SPATA6: variants seen among roughly 807,000 people sequenced by gnomAD.
The protein encoded by SPATA6 is spermatogenesis-associated protein 6.
In SPATA6, 56 loss-of-function variants were observed where a neutral mutation model predicts 65.3. The observed-to-expected ratio is 0.86, with a 90% CI of 0.69 to 1.07. The LOEUF (loss-of-function observed/expected upper bound fraction) is 1.07. Among genes scored for constraint, SPATA6 ranks in the 50% least tolerant of loss-of-function variants. The probability of loss-of-function intolerance (pLI) is 0.00; values close to 1 mark genes in which losing one functional copy is unlikely to be tolerated. For synonymous variants in SPATA6, 199 were observed against 213.2 expected (o/e 0.93, Z 0.58); for missense variants, 590 against 594.8 (o/e 0.99, Z 0.08).
rs1644867610 is a variant in SPATA6 at position 48,299,033 on chromosome 1, C to T, written c.1287-140G>A. 6 of 771,338 alleles carry T rather than the reference C, an allele frequency of 7.8e-6. No individual in the cohort carries two copies. In the Admixed American group the frequency reaches 1.0e-4, roughly 13 times the overall value. 47.8% of individuals were successfully genotyped at this position (771,338 alleles called of 1,614,324 possible). A position where few individuals can be genotyped will look rare whatever the true frequency, so the allele number is the denominator to read the frequency against. On this transcript the variant is annotated intron_variant, in intron 12 of 12. Coordinates refer to ENST00000371847, the MANE Select transcript of SPATA6 (RefSeq NM_019073.4). ...TGTGAAAAATAAAACAGAGTAAGGC[C>T]TGTGCTTTCAAAGAGGGACATTTTA...
intron 11 of SPATA6, among the ~76,000 whole-genome samples, chr1:48,348,855 T>C (rs1216967931): frequency 6.6e-6 from 1 of 152,058 alleles, no homozygotes; most frequent in African/African-American, 2.4e-5. Context: ...CATTCTAGCC[T>C]TCATCCTCCT....
At chr1:48,412,535 T>C (rs887833683) in intron 4 of SPATA6, among the ~76,000 whole-genome samples, 1 of 152,258 alleles carries the variant, frequency 6.6e-6, no homozygotes, top group Admixed American at 6.5e-5. Context: ...TTTCTGTATA[T>C]ATTATTTTGG....
At chr1:48,426,343 T>C (rs983482946) in intron 3 of SPATA6, among the ~76,000 whole-genome samples, 3 of 152,088 alleles carry the variant, frequency 2.0e-5, no homozygotes, top group Admixed American at 6.5e-5. Flanking sequence ...AGTTGTACAA[T>C]AGAGTCTGAA....
At chr1:48,282,932 C>A in the SPATA6 span, among the ~76,000 whole-genome samples, 1 of 151,956 alleles carries the variant, frequency 6.6e-6, no homozygotes, top group African/African-American at 2.4e-5. Context: ...TTGAACCAAT[C>A]CAAATATCCA....
At chr1:48,299,470 C>T (rs1302893780) in intron 12 of SPATA6, among the ~76,000 whole-genome samples, 6 of 132,816 alleles carry the variant, frequency 4.5e-5, no homozygotes, top group Non-Finnish European at 6.1e-5. Context: ...GCTGAGATCA[C>T]GCCATTGCAC....
At chr1:48,434,212 C>T (rs766521459) in intron 3 of SPATA6, among the ~76,000 whole-genome samples, 7 of 138,676 alleles carry the variant, frequency 5.0e-5, no homozygotes, top group East Asian at 2.1e-4. Context: ...GGATATCAAA[C>T]GCATAGTAGG....
In SPATA6 at chr1:48,364,998, G is replaced by A. The variant is rs1456175700; in HGVS notation, c.910-5228C>T. 2.6e-5 allele frequency among the ~76,000 whole-genome samples: 4 copies of A among 152,180 alleles called. No homozygotes were observed. In the South Asian group the frequency reaches 8.3e-4, roughly 32 times the overall value. On this transcript the variant is annotated intron_variant, in intron 9 of 12. Coordinates refer to ENST00000371847, the MANE Select transcript of SPATA6 (RefSeq NM_019073.4). ...GTATAAGGTGTAAGGAAAGGATCCA[G>A]TTTCAGCTTTCTACATATGGCTAGC...
intron 6 of SPATA6, 79 bp from the exon 7 acceptor site, chr1:48,399,723 A>G: frequency 7.6e-7 from 1 of 1,318,744 alleles, no homozygotes; most frequent in South Asian, 1.5e-5. Flanking sequence ...ATTAAAAAGT[A>G]ATTTAAATAA....
chr1:48,281,059 A>G, the SPATA6 span, among the ~76,000 whole-genome samples: 2 of 152,270 alleles, frequency 1.3e-5, no homozygotes, highest in African/African-American at 2.4e-5. Flanking sequence ...AATCCAGCAT[A>G]TAAACAGAAC....
chr1:48,398,798 A>AG (rs1197630409), intron 7 of SPATA6, among the ~76,000 whole-genome samples: 1 of 151,872 alleles, frequency 6.6e-6, no homozygotes, highest in South Asian at 2.1e-4. Flanking sequence ...TCAAAAGCAC[A>AG]GTTCAGTACA....
chr1:48,409,197 G>T (rs1389721257), intron 5 of SPATA6, among the ~76,000 whole-genome samples: 2 of 152,208 alleles, frequency 1.3e-5, no homozygotes, highest in South Asian at 4.1e-4. Context: ...CTCCAAATGG[G>T]AGAAATTGAC....
chr1:48,314,795 CAACACTAATAAAGAAGA>C (rs1645353066), intron 11 of SPATA6, among the ~76,000 whole-genome samples: 1 of 151,880 alleles, frequency 6.6e-6, no homozygotes, highest in Admixed American at 6.6e-5. Flanking sequence ...AGACCGCTAG[CAACACTAATAAAGAAGA>C]AAAGAGAGAA....
chr1:48,450,680 G>A (rs1434680998), intron 3 of SPATA6, among the ~76,000 whole-genome samples: 2 of 152,146 alleles, frequency 1.3e-5, no homozygotes, highest in African/African-American at 4.8e-5. Context: ...GCCATAAAGA[G>A]TTATTTGGAG....
Position 48,395,268 on chromosome 1 carries a change from A to G in SPATA6, c.867T>C (p.Asn289=), listed in dbSNP as rs1650474304. ...CERDGWSRVH[N]DHSHLGCCRP... ...GAATAAAGACAACTTCTAGCTTACC[A>G]TTGTGCACCCTTGACCATCCATCTC... The change falls in exon 8 of 13, where the codon AAT becomes AAC. Residue 289 remains asparagine (N), a splice_region_variant and synonymous_variant. Coordinates refer to ENST00000371847, the MANE Select transcript of SPATA6 (RefSeq NM_019073.4). 1 of 1,554,704 alleles carries G rather than the reference A, an allele frequency of 6.4e-7. No individual in the cohort carries two copies. The highest frequency in any genetic ancestry group is 1.4e-5 in the African/African-American group (1 of 72,486).
rs992221903 is a variant in SPATA6 at position 48,376,406 on chromosome 1, C to T, written c.909+8903G>A. Among the ~76,000 whole-genome samples, 6 of 151,934 alleles carry T rather than the reference C, an allele frequency of 3.9e-5. 1 individual carries two copies. Among genetic ancestry groups the T allele is most frequent in the Admixed American group, 3.9e-4 (6 of 15,250 alleles). On this transcript the variant is annotated intron_variant, in intron 9 of 12. Coordinates refer to ENST00000371847, the MANE Select transcript of SPATA6 (RefSeq NM_019073.4). ...CTAGCCCTTGTACATTTTCCTATTTCAATAAATGGTATCATCAAACACTGA... is the reference window on the plus strand; with the variant it reads ...CTAGCCCTTGTACATTTTCCTATTTTAATAAATGGTATCATCAAACACTGA...
chr1:48,452,653 G>A (rs564920340), intron 2 of SPATA6, among the ~76,000 whole-genome samples: 1 of 152,152 alleles, frequency 6.6e-6, no homozygotes, highest in South Asian at 2.1e-4. Flanking sequence ...CAAAGTGCTG[G>A]GATTGCAGGC....
chr1:48,302,367 T>G (rs540785795), intron 12 of SPATA6, among the ~76,000 whole-genome samples: 26 of 152,290 alleles, frequency 1.7e-4, no homozygotes, highest in Admixed American at 1.7e-3. Context: ...TCCCGCCTTT[T>G]AGAATCTCCA....
chr1:48,416,029 CCT>C (rs1339336763), intron 3 of SPATA6, among the ~76,000 whole-genome samples: 1 of 152,044 alleles, frequency 6.6e-6, no homozygotes, highest in Non-Finnish European at 1.5e-5. Flanking sequence ...GTGGCGAAAC[CCT>C]GTCTCTACAG....
chr1:48,317,035 G>T (rs932439002), intron 11 of SPATA6, among the ~76,000 whole-genome samples: 1 of 152,200 alleles, frequency 6.6e-6, no homozygotes, highest in Non-Finnish European at 1.5e-5. Context: ...AACAACAGGT[G>T]CTGGAAAGAT....
Sources: gnomAD v4.1 joint callset for allele counts (sites outside exome capture counted in the v4.1 genomes callset) on GRCh38, gnomAD v4.1.1 for gene constraint, MANE v1.5 for transcripts, NCBI Gene and HGNC (gene_info 2026-07-23, HGNC 2026-07-21) for gene names.